BACH2: variants seen among roughly 807,000 people sequenced by gnomAD.
BACH2 encodes BACH transcriptional regulator 2, also known as transcription regulator protein BACH2.
A neutral mutation model predicts 61.8 loss-of-function variants in BACH2; 5 were observed. That is an observed-to-expected ratio of 0.08 (90% CI 0.04 to 0.17). The LOEUF is 0.17. Among genes scored for constraint, BACH2 ranks in the 10% least tolerant of loss-of-function variants. The pLI, the probability that BACH2 is intolerant of heterozygous loss-of-function variation, is 1.00. For missense variants in BACH2, 824 were observed against 1,091.1 expected (o/e 0.76, Z 3.45); for synonymous variants, 446 against 440.1 (o/e 1.01, Z -0.17).
chr6:90,054,186 G>C (rs1780200410), intron 5 of BACH2, among the ~76,000 whole-genome samples: 1 of 152,266 alleles, frequency 6.6e-6, no homozygotes, highest in Non-Finnish European at 1.5e-5. Flanking sequence ...CACTCGGGAA[G>C]TGCAAGGGGT....
At chr6:90,245,852 A>G (rs1770617209) in intron 3 of BACH2, among the ~76,000 whole-genome samples, 1 of 152,208 alleles carries the variant, frequency 6.6e-6, no homozygotes, top group African/African-American at 2.4e-5. Flanking sequence ...AACAGAAAAA[A>G]TTGGACAAAA....
intron 5 of BACH2, chr6:90,080,629 C>G (rs1781685599): frequency 2.5e-6 from 1 of 398,618 alleles, no homozygotes; most frequent in South Asian, 1.0e-4. Context: ...GCTTGTTCCT[C>G]TGAGCCCTCT....
At chr6:90,087,468 A>G (rs4707596) in intron 5 of BACH2, among the ~76,000 whole-genome samples, 38,446 of 152,004 alleles carry the variant, frequency 0.25, 5,950 homozygotes, top group East Asian at 0.67. Context: ...ATCTATTCAC[A>G]GGTACACATG....
intron 8 of BACH2, among the ~76,000 whole-genome samples, chr6:89,933,130 G>A (rs942153295): frequency 2.6e-5 from 4 of 152,038 alleles, no homozygotes; most frequent in South Asian, 2.1e-4. Flanking sequence ...CCTCTCCAAG[G>A]CCCGGGCAAA....
intron 7 of BACH2, among the ~76,000 whole-genome samples, chr6:89,943,468 A>G (rs896504639): frequency 1.3e-5 from 2 of 151,838 alleles, no homozygotes; most frequent in Non-Finnish European, 2.9e-5. Flanking sequence ...TACATATTAT[A>G]TAAATATAGC....
intron 6 of BACH2, among the ~76,000 whole-genome samples, chr6:89,995,851 T>C (rs1279071571): frequency 6.6e-6 from 1 of 152,148 alleles, no homozygotes; most frequent in Non-Finnish European, 1.5e-5. Context: ...CCTTAAAAGG[T>C]AATTTAGGGA....
intron 5 of BACH2, among the ~76,000 whole-genome samples, chr6:90,020,643 A>G (rs1281263462): frequency 6.9e-6 from 1 of 144,654 alleles, no homozygotes; most frequent in Non-Finnish European, 1.5e-5. Context: ...ATCAGAAAAC[A>G]GGCTAAGACA....
chr6:90,129,386 C>G (rs1784002604), intron 4 of BACH2, among the ~76,000 whole-genome samples: 1 of 152,022 alleles, frequency 6.6e-6, no homozygotes, highest in Non-Finnish European at 1.5e-5. Flanking sequence ...GTTTGTTACA[C>G]AGGTGTACAC....
At chr6:90,239,798 T>TACACACACACAC (rs59169449) in intron 3 of BACH2, among the ~76,000 whole-genome samples, 2 of 132,300 alleles carry the variant, frequency 1.5e-5, no homozygotes, top group East Asian at 2.2e-4. Context: ...GGGGGGGGAA[T>TACACACACACAC]ACACACACAC....
At chr6:89,935,507 G>A (rs1772968336) in intron 8 of BACH2, among the ~76,000 whole-genome samples, 1 of 152,180 alleles carries the variant, frequency 6.6e-6, no homozygotes, top group African/African-American at 2.4e-5. Context: ...AGCAGGGGAA[G>A]GCATTGCAAA....
intron 7 of BACH2, among the ~76,000 whole-genome samples, chr6:89,943,329 C>T (rs1773546844): frequency 6.6e-6 from 1 of 152,132 alleles, no homozygotes. Flanking sequence ...TATTTCTCTT[C>T]CCTGCCAACA....
At chr6:90,065,636 C>T (rs1009698712) in intron 5 of BACH2, among the ~76,000 whole-genome samples, 3 of 152,088 alleles carry the variant, frequency 2.0e-5, no homozygotes, top group Non-Finnish European at 4.4e-5. Flanking sequence ...TTATTCAGCC[C>T]CAGTCGAGCC....
intron 5 of BACH2, among the ~76,000 whole-genome samples, chr6:90,026,285 G>A (rs952367169): frequency 2.2e-4 from 33 of 152,268 alleles, no homozygotes; most frequent in African/African-American, 7.2e-4. Context: ...GGGAGAGAGA[G>A]GAAAGAGGAG....
intron 6 of BACH2, among the ~76,000 whole-genome samples, chr6:89,991,492 CACACAT>C (rs1469991389): frequency 6.6e-6 from 1 of 152,196 alleles, no homozygotes; most frequent in African/African-American, 2.4e-5. Flanking sequence ...CACACACACA[CACACAT>C]GCATATGTTT....
intron 3 of BACH2, among the ~76,000 whole-genome samples, chr6:90,223,677 G>A (rs1769818278): frequency 1.3e-5 from 2 of 151,960 alleles, no homozygotes; most frequent in South Asian, 4.2e-4. Flanking sequence ...GTTTTGCCAT[G>A]TTGCCCAGGA....
At chr6:89,971,285 T>C (rs1775344469) in intron 6 of BACH2, among the ~76,000 whole-genome samples, 1 of 152,182 alleles carries the variant, frequency 6.6e-6, no homozygotes, top group Admixed American at 6.5e-5. Context: ...AACAAGGTAA[T>C]GACACCAGGC....
intron 5 of BACH2, among the ~76,000 whole-genome samples, chr6:90,019,829 A>G (rs1176629403): frequency 1.3e-5 from 2 of 152,180 alleles, no homozygotes; most frequent in Non-Finnish European, 2.9e-5. Flanking sequence ...AGTTCTCAAG[A>G]GTAGACTCCA....
Position 89,928,616 on chromosome 6 carries a change from G to A in BACH2, c.*3792C>T, listed in dbSNP as rs1772473647. On this transcript the variant is annotated 3_prime_UTR_variant, in exon 9 of 9. Coordinates refer to ENST00000257749, the MANE Select transcript of BACH2 (RefSeq NM_021813.4). The stretch of plus-strand genomic sequence containing the variant: ...GGTCCTGGCTCCTTTTGAAGGAGTA[G>A]TGGCAGTTGGCATACTAATCACTAG... 1.3e-5 allele frequency: 2 copies of A among 152,768 alleles called. No homozygotes were observed. Among genetic ancestry groups the A allele is most frequent in the Admixed American group, 6.5e-5 (1 of 15,288 alleles). 9.5% of individuals were successfully genotyped at this position (152,768 alleles called of 1,614,324 possible).
chr6:90,148,861 A>T (rs1784713600), intron 4 of BACH2, among the ~76,000 whole-genome samples: 1 of 152,178 alleles, frequency 6.6e-6, no homozygotes, highest in African/African-American at 2.4e-5. Flanking sequence ...TAGGTTTTGA[A>T]AAAGGAACAC....
Sources: allele counts gnomAD v4.1 joint callset (sites outside exome capture counted in the v4.1 genomes callset), GRCh38; gene constraint gnomAD v4.1.1; transcripts MANE v1.5; gene names NCBI Gene and HGNC (gene_info 2026-07-23, HGNC 2026-07-21).